ATP6V0D1: variants seen among roughly 807,000 people sequenced by gnomAD.
ATP6V0D1 encodes ATPase H+ transporting V0 subunit d1, also known as V-type proton ATPase subunit d 1.
ATP6V0D1 carries 13 observed loss-of-function variants against 39.0 expected under a neutral mutation model. The ratio of observed to expected loss-of-function variants is 0.33; its 90% CI spans 0.22 to 0.53. The LOEUF (loss-of-function observed/expected upper bound fraction) is 0.53. ATP6V0D1 is among the 20% of genes least tolerant of loss of function. The pLI is 0.94. For synonymous variants in ATP6V0D1, 191 were observed against 191.2 expected (o/e 1.00, Z 0.01); for missense variants, 272 against 470.9 (o/e 0.58, Z 3.91).
chr16:67,457,745 G>C (rs1398246046), intron 1 of ATP6V0D1: 1 of 853,204 alleles, frequency 1.2e-6, no homozygotes, highest in Non-Finnish European at 1.7e-6. Context: ...GCTCAGCAAG[G>C]GCCTCCAAGC....
intron 1 of ATP6V0D1, among the ~76,000 whole-genome samples, chr16:67,474,935 C>G (rs1402405702): frequency 1.3e-5 from 2 of 152,170 alleles, no homozygotes; most frequent in African/African-American, 4.8e-5. Context: ...CTTCCCCCAG[C>G]CTTCTTGCCC....
At chr16:67,479,586 G>A (rs944351011) in intron 1 of ATP6V0D1, among the ~76,000 whole-genome samples, 2 of 152,058 alleles carry the variant, frequency 1.3e-5, no homozygotes, top group South Asian at 2.1e-4. Flanking sequence ...CTATTTTAAA[G>A]GTATTTATTT....
At position 67,444,500 on chromosome 16, in the gene ATP6V0D1, A is replaced by G. The variant is rs1326574435; in HGVS notation, c.481+28T>C. On this transcript the variant is annotated intron_variant, in intron 3 of 7. Transcript: ENST00000290949. The surrounding 1 kb of genome is among the most constrained non-coding windows in gnomAD (Gnocchi z 4.8). ...TGCGCTGATGCTGACACCACTGCCC[A>G]CCTCCCATGACCACCACAGCGGCTC... 6.4e-7 allele frequency: 1 copy of G among 1,563,524 alleles called. No homozygotes were observed. The highest frequency in any genetic ancestry group is 1.2e-5 in the South Asian group (1 of 86,188).
At position 67,439,092 on chromosome 16, in the gene ATP6V0D1, A is replaced by T. The variant is rs1242781857; in HGVS notation, c.695T>A (p.Leu232Gln). The change falls in exon 6 of 8, where the codon CTG becomes CAG. Residue 232 changes from leucine (L) to glutamine (Q), a missense_variant. Leu to Gln is a moderately radical substitution (Grantham distance 113). Transcript: ENST00000290949. ...IITINSFGTE[L>Q]SKEDRAKLFP... is the part of the protein sequence containing the mutation. ...GAGCTTGGCACGGTCCTCTTTGGAC[A>T]GCTCTGTGCCGAAAGAATTGATGGT... 6.2e-7 allele frequency: 1 copy of T among 1,614,232 alleles called. No individual in the cohort carries two copies. Among genetic ancestry groups the T allele is most frequent in the East Asian group, 2.2e-5 (1 of 44,888 alleles).
At chr16:67,464,387 A>G (rs934821841) in intron 1 of ATP6V0D1, among the ~76,000 whole-genome samples, 4 of 152,266 alleles carry the variant, frequency 2.6e-5, no homozygotes, top group African/African-American at 7.2e-5. Flanking sequence ...TCAGGAGACC[A>G]TAATTACGCC....
chr16:67,465,276 G>A (rs1321079292), intron 1 of ATP6V0D1, among the ~76,000 whole-genome samples: 3 of 152,170 alleles, frequency 2.0e-5, no homozygotes, highest in Non-Finnish European at 2.9e-5. Flanking sequence ...GTGCTTACAT[G>A]GTGTTCAGGT....
chr16:67,442,828 T>C (rs550947655), intron 4 of ATP6V0D1, among the ~76,000 whole-genome samples: 1 of 152,240 alleles, frequency 6.6e-6, no homozygotes, highest in Admixed American at 6.5e-5. Flanking sequence ...GGAGCGGCTG[T>C]CCAGGAGCCA....
At chr16:67,471,503 T>C (rs1310902011) in intron 1 of ATP6V0D1, among the ~76,000 whole-genome samples, 3 of 152,112 alleles carry the variant, frequency 2.0e-5, no homozygotes, top group Non-Finnish European at 2.9e-5. Context: ...TATTTCTTTG[T>C]GTTGAGAACA....
At chr16:67,452,437 T>C (rs1330800900) in intron 2 of ATP6V0D1, 2 of 1,528,102 alleles carry the variant, frequency 1.3e-6, no homozygotes, top group South Asian at 2.4e-5. Flanking sequence ...CTGCAGGGGA[T>C]AAGAATCAGG....
In ATP6V0D1 at chr16:67,447,337, T is replaced by C. The variant is rs114235812; in HGVS notation, c.303-2631A>G. ...GGGCAGAATCCTCTTTTTCAGGAGA[T>C]GAGAGGCTGGACAGGCCTGGCAGAG... On this transcript the variant is annotated intron_variant, in intron 2 of 7. Coordinates refer to ENST00000290949, the MANE Select transcript of ATP6V0D1 (RefSeq NM_004691.5). The surrounding 1 kb of genome is among the most constrained non-coding windows in gnomAD (Gnocchi z 4.1). Among the ~76,000 whole-genome samples, 1 of 152,332 alleles carries C rather than the reference T, an allele frequency of 6.6e-6. No individual in the cohort carries two copies. Among genetic ancestry groups the C allele is most frequent in the African/African-American group, 2.4e-5 (1 of 41,586 alleles).
At chr16:67,464,949 A>C (rs962522859) in intron 1 of ATP6V0D1, among the ~76,000 whole-genome samples, 3 of 152,224 alleles carry the variant, frequency 2.0e-5, no homozygotes, top group Non-Finnish European at 4.4e-5. Flanking sequence ...CAATCCCAGC[A>C]CTGCCCCTTG....
At chr16:67,465,357 C>A (rs1298157528) in intron 1 of ATP6V0D1, among the ~76,000 whole-genome samples, 1 of 152,228 alleles carries the variant, frequency 6.6e-6, no homozygotes. Context: ...ATCCTACATG[C>A]CCCTCAGAGG....
intron 1 of ATP6V0D1, chr16:67,459,295 G>A: frequency 5.1e-6 from 5 of 982,720 alleles, no homozygotes; most frequent in Middle Eastern, 5.2e-4. Flanking sequence ...GAAAGTGAGA[G>A]TCCCTGCCCT....
chr16:67,472,103 T>C (rs1010892154), intron 1 of ATP6V0D1, among the ~76,000 whole-genome samples: 6 of 152,134 alleles, frequency 3.9e-5, no homozygotes, highest in African/African-American at 1.4e-4. Flanking sequence ...TGGGGCCTCA[T>C]TCTCGCAGGC....
chr16:67,452,087 T>C (rs535834387), intron 2 of ATP6V0D1: 82 of 1,063,102 alleles, frequency 7.7e-5, no homozygotes, highest in Admixed American at 1.7e-4. Context: ...CTTCCTGGTA[T>C]GTCCTCAGCT....
chr16:67,480,561 A>G (rs1477065659), intron 1 of ATP6V0D1, among the ~76,000 whole-genome samples: 1 of 151,992 alleles, frequency 6.6e-6, no homozygotes, highest in East Asian at 1.9e-4. Flanking sequence ...GAGGGGGAAG[A>G]GGTGGGGGAC....
rs186127046 is a variant in ATP6V0D1 at position 67,472,816 on chromosome 16, G to A, written c.130+8141C>T. Reference sequence around the variant, plus strand: ...ACCCAGGAGGCGGAGCTTGCAATGAGCCAAGATCGCGCCACTGCACTCCAG... The same window carrying A: ...ACCCAGGAGGCGGAGCTTGCAATGAACCAAGATCGCGCCACTGCACTCCAG... On this transcript the variant is annotated intron_variant, in intron 1 of 7. Coordinates refer to ENST00000290949, the MANE Select transcript of ATP6V0D1 (RefSeq NM_004691.5). Among the ~76,000 whole-genome samples, 360 of 152,242 alleles carry A rather than the reference G, an allele frequency of 2.4e-3. 2 individuals carry two copies. Among genetic ancestry groups the A allele is most frequent in the Middle Eastern group, 0.017 (5 of 294 alleles).
intron 1 of ATP6V0D1, among the ~76,000 whole-genome samples, chr16:67,479,747 C>T (rs1478789554): frequency 6.6e-6 from 1 of 152,168 alleles, no homozygotes; most frequent in Admixed American, 6.5e-5. Flanking sequence ...AATTACGAGG[C>T]TATCAGCACC....
chr16:67,451,402 G>A (rs1415413149), intron 2 of ATP6V0D1, among the ~76,000 whole-genome samples: 1 of 152,210 alleles, frequency 6.6e-6, no homozygotes, highest in Non-Finnish European at 1.5e-5. Flanking sequence ...AAGGCCTAGT[G>A]TCCCGCTGAG....
Sources: gnomAD v4.1 joint callset for allele counts (sites outside exome capture counted in the v4.1 genomes callset) on GRCh38, gnomAD v4.1.1 for gene constraint, Gnocchi (gnomAD v3.1) non-coding constraint, MANE v1.5 for transcripts, NCBI Gene and HGNC (gene_info 2026-07-23, HGNC 2026-07-21) for gene names.